Variants in SGCZ observed in about 807,000 individuals in gnomAD.
SGCZ encodes sarcoglycan zeta, also known as zeta-sarcoglycan.
In SGCZ, 40 loss-of-function variants were observed where a neutral mutation model predicts 41.3. The ratio of observed to expected loss-of-function variants is 0.97; its 90% CI spans 0.75 to 1.26. The LOEUF is 1.26. SGCZ is among the 50% of genes most tolerant of loss of function. The pLI, the probability that SGCZ is intolerant of heterozygous loss-of-function variation, is 0.00. For synonymous variants in SGCZ, 206 were observed against 137.5 expected (o/e 1.50, Z -3.49); for missense variants, 552 against 369.8 (o/e 1.49, Z -4.04).
chr8:15,110,901 C>G (rs929525017), intron 1 of SGCZ, among the ~76,000 whole-genome samples: 2 of 152,038 alleles, frequency 1.3e-5, no homozygotes, highest in African/African-American at 4.8e-5. Flanking sequence ...CTGGAAGGCA[C>G]AGGTTGCAGT....
chr8:15,072,266 G>C (rs764938924), intron 1 of SGCZ, among the ~76,000 whole-genome samples: 226 of 152,146 alleles, frequency 1.5e-3, no homozygotes, highest in Non-Finnish European at 2.6e-3. Context: ...CCTTCATGCA[G>C]AACTCACATC....
intron 1 of SGCZ, among the ~76,000 whole-genome samples, chr8:14,767,497 T>C (rs1203986340): frequency 6.6e-6 from 1 of 152,202 alleles, no homozygotes; most frequent in African/African-American, 2.4e-5. Flanking sequence ...AGAAAGTTAA[T>C]AATTTAACCA....
intron 2 of SGCZ, among the ~76,000 whole-genome samples, chr8:14,325,114 A>G (rs1373475590): frequency 6.6e-6 from 1 of 152,166 alleles, no homozygotes; most frequent in Non-Finnish European, 1.5e-5. Flanking sequence ...AGAAGACACT[A>G]TAAAGGTTCT....
chr8:14,090,293 A>T lies in SGCZ; in HGVS notation c.*150T>A, dbSNP rs1338453938. On this transcript the variant is annotated 3_prime_UTR_variant, in exon 8 of 8. Coordinates refer to ENST00000382080, the MANE Select transcript of SGCZ (RefSeq NM_139167.4). ...TGAGCAGTACAGTAAATCACAAGAGAAGGTGGTGGCGAATCCCTGCTCACA... is the reference window on the plus strand; with the variant it reads ...TGAGCAGTACAGTAAATCACAAGAGTAGGTGGTGGCGAATCCCTGCTCACA... 4 of 693,380 alleles carry T rather than the reference A, an allele frequency of 5.8e-6. No individual in the cohort carries two copies. The highest frequency in any genetic ancestry group is 1.8e-5 in the African/African-American group (1 of 55,984). The allele number at this position is 693,380 out of a possible 1,614,324, so 43.0% of individuals were successfully genotyped here.
chr8:14,307,244 A>G (rs947110966), intron 3 of SGCZ, among the ~76,000 whole-genome samples: 10 of 152,172 alleles, frequency 6.6e-5, no homozygotes, highest in African/African-American at 2.4e-4. Flanking sequence ...TCAAATTTCA[A>G]AATTAATACT....
intron 2 of SGCZ, among the ~76,000 whole-genome samples, chr8:14,377,421 C>G (rs1804172283): frequency 6.6e-6 from 1 of 152,038 alleles, no homozygotes; most frequent in African/African-American, 2.4e-5. Context: ...AGGAAGTAAA[C>G]TGCTTTCCTG....
chr8:14,258,461 A>C (rs760003615), intron 3 of SGCZ, among the ~76,000 whole-genome samples: 11 of 152,180 alleles, frequency 7.2e-5, no homozygotes, highest in Admixed American at 3.3e-4. Context: ...ACTCTGGACT[A>C]ACTGTAGAAA....
chr8:14,582,175 G>C (rs1563130813), intron 1 of SGCZ, among the ~76,000 whole-genome samples: 1 of 151,944 alleles, frequency 6.6e-6, no homozygotes, highest in Non-Finnish European at 1.5e-5. Flanking sequence ...TTATATATAT[G>C]TATAACCTAC....
intron 3 of SGCZ, among the ~76,000 whole-genome samples, chr8:14,244,185 TC>T (rs1563208219): frequency 1.8e-4 from 2 of 11,198 alleles, no homozygotes; most frequent in African/African-American, 6.0e-4. Flanking sequence ...TCTTCCTTCT[TC>T]CTCCTCCTCT....
chr8:14,252,346 T>C (rs1023749061), intron 3 of SGCZ, among the ~76,000 whole-genome samples: 62 of 152,130 alleles, frequency 4.1e-4, no homozygotes, highest in African/African-American at 1.5e-3. Flanking sequence ...TTTATTGTTA[T>C]TGGGTTTTAC....
intron 3 of SGCZ, among the ~76,000 whole-genome samples, chr8:14,266,620 G>A (rs1171873592): frequency 1.3e-5 from 2 of 152,102 alleles, no homozygotes; most frequent in Non-Finnish European, 2.9e-5. Flanking sequence ...AGATCACGAT[G>A]TGAAAATGTA....
intron 4 of SGCZ, among the ~76,000 whole-genome samples, chr8:14,217,274 G>C (rs34056561): frequency 0.25 from 32,874 of 133,688 alleles, 5,075 homozygotes; most frequent in Non-Finnish European, 0.34. Flanking sequence ...CCAGCCTGGG[G>C]ATCAGAGTGA....
At chr8:14,726,901 A>G (rs1810074562) in intron 1 of SGCZ, among the ~76,000 whole-genome samples, 6 of 152,100 alleles carry the variant, frequency 3.9e-5, no homozygotes. Context: ...ATAGCAAAGA[A>G]AGTATTAAGG....
At chr8:14,484,880 A>T (rs7830173) in intron 2 of SGCZ, among the ~76,000 whole-genome samples, 6 of 152,212 alleles carry the variant, frequency 3.9e-5, no homozygotes, top group East Asian at 3.9e-4. Flanking sequence ...TAGTATAATA[A>T]GATAAATTAA....
chr8:14,399,934 T>C (rs903152073), intron 2 of SGCZ, among the ~76,000 whole-genome samples: 6 of 152,088 alleles, frequency 3.9e-5, no homozygotes, highest in Non-Finnish European at 8.8e-5. Flanking sequence ...CATCTAATTT[T>C]AGAAACTCCA....
At chr8:14,682,903 G>A (rs1234103031) in intron 1 of SGCZ, among the ~76,000 whole-genome samples, 1 of 152,128 alleles carries the variant, frequency 6.6e-6, no homozygotes, top group Non-Finnish European at 1.5e-5. Context: ...GTAAATAACT[G>A]CATAGATGAC....
chr8:14,461,433 C>G (rs1217342223), intron 2 of SGCZ, among the ~76,000 whole-genome samples: 1 of 152,070 alleles, frequency 6.6e-6, no homozygotes, highest in Non-Finnish European at 1.5e-5. Flanking sequence ...TTAACACTTG[C>G]TGCTCAAAAT....
intron 5 of SGCZ, among the ~76,000 whole-genome samples, chr8:14,164,350 C>T (rs1422403417): frequency 6.6e-6 from 1 of 152,104 alleles, no homozygotes; most frequent in Non-Finnish European, 1.5e-5. Flanking sequence ...CCCCTGCCTC[C>T]ACCTGAGAGA....
chr8:14,569,515 C>A (rs1029212183), intron 1 of SGCZ, among the ~76,000 whole-genome samples: 23 of 152,132 alleles, frequency 1.5e-4, no homozygotes, highest in African/African-American at 5.6e-4. Flanking sequence ...TTAGCATTTT[C>A]ACTCAGGAAG....
Sources: allele counts gnomAD v4.1 joint callset (sites outside exome capture counted in the v4.1 genomes callset), GRCh38; gene constraint gnomAD v4.1.1; transcripts MANE v1.5; gene names NCBI Gene and HGNC (gene_info 2026-07-23, HGNC 2026-07-21).